Variants in SHISA9 observed in about 807,000 individuals in gnomAD.
SHISA9 encodes the protein shisa family member 9, also known as protein shisa-9.
A neutral mutation model predicts 38.0 loss-of-function variants in SHISA9; 13 were observed. The observed-to-expected ratio is 0.34, with a 90% CI of 0.22 to 0.54. The LOEUF is 0.54. SHISA9 is among the 20% of genes least tolerant of loss of function. The pLI is 0.91. For missense variants in SHISA9, 538 were observed against 575.8 expected (o/e 0.93, Z 0.67); for synonymous variants, 275 against 242.0 (o/e 1.14, Z -1.27).
At chr16:13,042,535 G>C (rs7192318) in intron 2 of SHISA9, among the ~76,000 whole-genome samples, 114,610 of 152,124 alleles carry the variant, frequency 0.75, 43,388 homozygotes, top group Middle Eastern at 0.84. Flanking sequence ...GCCAAGAACA[G>C]TTGGTTTCCT....
At chr16:13,234,395 G>T (rs550115172) in intron 4 of SHISA9, among the ~76,000 whole-genome samples, 1 of 152,264 alleles carries the variant, frequency 6.6e-6, no homozygotes, top group Non-Finnish European at 1.5e-5. Flanking sequence ...CTTTTTTATT[G>T]TAATGGCTTT....
At chr16:13,269,389 T>C in the SHISA9 span, among the ~76,000 whole-genome samples, 1 of 152,200 alleles carries the variant, frequency 6.6e-6, no homozygotes, top group African/African-American at 2.4e-5. Context: ...CATACAGGAA[T>C]AAATCCTCCT....
intron 2 of SHISA9, among the ~76,000 whole-genome samples, chr16:13,057,039 T>C (rs1320968924): frequency 6.6e-6 from 1 of 152,126 alleles, no homozygotes; most frequent in Non-Finnish European, 1.5e-5. Context: ...GAAAGCATAT[T>C]GCAAAAGGAA....
intron 2 of SHISA9, among the ~76,000 whole-genome samples, chr16:12,927,114 A>G (rs2071401803): frequency 6.6e-6 from 1 of 152,230 alleles, no homozygotes; most frequent in African/African-American, 2.4e-5. Flanking sequence ...CCAATATAAA[A>G]TTAAGTAACA....
the SHISA9 span, among the ~76,000 whole-genome samples, chr16:13,318,501 G>A: frequency 2.9e-3 from 437 of 152,124 alleles, 2 homozygotes; most frequent in African/African-American, 0.01. Context: ...TAATTTTGTG[G>A]TTTTAGTAGA....
the SHISA9 span, among the ~76,000 whole-genome samples, chr16:13,500,306 A>G: frequency 1.3e-5 from 2 of 152,128 alleles, no homozygotes; most frequent in South Asian, 2.1e-4. Context: ...AAGCCTTCCC[A>G]GGCATATGGA....
intron 2 of SHISA9, among the ~76,000 whole-genome samples, chr16:13,115,854 A>G (rs530978978): frequency 2.6e-5 from 4 of 152,336 alleles, no homozygotes; most frequent in African/African-American, 7.2e-5. Flanking sequence ...AACACTGACT[A>G]TCTTATGAAC....
At chr16:12,935,077 C>T (rs1367088518) in intron 2 of SHISA9, among the ~76,000 whole-genome samples, 1 of 152,068 alleles carries the variant, frequency 6.6e-6, no homozygotes, top group African/African-American at 2.4e-5. Flanking sequence ...TCTGATTGGT[C>T]CATATTGAGT....
chr16:13,103,946 C>A (rs1393447999), intron 2 of SHISA9, among the ~76,000 whole-genome samples: 1 of 152,144 alleles, frequency 6.6e-6, no homozygotes, highest in Non-Finnish European at 1.5e-5. Flanking sequence ...ACTCTCCAAG[C>A]TCCAAAGCCA....
chr16:13,266,954 G>A, the SHISA9 span, among the ~76,000 whole-genome samples: 2 of 152,172 alleles, frequency 1.3e-5, no homozygotes, highest in Admixed American at 1.3e-4. Context: ...ATGCCTTCTA[G>A]ATAAAGCCAA....
At chr16:13,223,790 G>T (rs147643746) in intron 4 of SHISA9, among the ~76,000 whole-genome samples, 7 of 152,348 alleles carry the variant, frequency 4.6e-5, no homozygotes, top group Non-Finnish European at 1.0e-4. Context: ...GCAGGCAAGA[G>T]AGGGCATGTG....
chr16:13,230,084 C>T (rs932341696), intron 4 of SHISA9, among the ~76,000 whole-genome samples: 1 of 151,952 alleles, frequency 6.6e-6, no homozygotes, highest in African/African-American at 2.4e-5. Flanking sequence ...AAACTAGGCC[C>T]TCAACAAACA....
the SHISA9 span, among the ~76,000 whole-genome samples, chr16:13,450,299 A>G: frequency 6.6e-6 from 1 of 152,208 alleles, no homozygotes; most frequent in Admixed American, 6.5e-5. Flanking sequence ...GGAATTACAT[A>G]TATAAAGTAC....
intron 2 of SHISA9, among the ~76,000 whole-genome samples, chr16:13,044,156 C>T (rs1596608184): frequency 6.6e-6 from 1 of 152,214 alleles, no homozygotes; most frequent in Non-Finnish European, 1.5e-5. Flanking sequence ...GGAAGGGGTC[C>T]TAAAGGAGGT....
the SHISA9 span, among the ~76,000 whole-genome samples, chr16:13,261,724 T>G: frequency 6.6e-6 from 1 of 152,226 alleles, no homozygotes; most frequent in East Asian, 1.9e-4. Flanking sequence ...AAATGCCATG[T>G]GCTGAGGGTA....
At chr16:13,373,043 A>G in the SHISA9 span, among the ~76,000 whole-genome samples, 1,121 of 152,172 alleles carry the variant, frequency 7.4e-3, 15 homozygotes, top group African/African-American at 0.026. Context: ...AGGCCATAGC[A>G]CCCTCACTGA....
At chr16:13,101,443 T>C (rs1167473354) in intron 2 of SHISA9, among the ~76,000 whole-genome samples, 2 of 152,210 alleles carry the variant, frequency 1.3e-5, no homozygotes, top group Non-Finnish European at 2.9e-5. Context: ...CAGAAATATA[T>C]ACTGGAAACA....
intron 1 of SHISA9, 65 bp from the exon 2 acceptor site, chr16:12,916,623 C>T (rs1047249415): frequency 3.3e-6 from 5 of 1,510,948 alleles, no homozygotes; most frequent in Admixed American, 4.3e-5. Flanking sequence ...CTGCAGTACT[C>T]GGCGCATAGC....
chr16:13,463,387 C>T, the SHISA9 span, among the ~76,000 whole-genome samples: 3 of 152,132 alleles, frequency 2.0e-5, no homozygotes, highest in African/African-American at 7.2e-5. Flanking sequence ...AGAAAGAGTT[C>T]TTGAAAGTTG....
Sources: gnomAD v4.1 joint callset for allele counts (sites outside exome capture counted in the v4.1 genomes callset) on GRCh38, gnomAD v4.1.1 for gene constraint, MANE v1.5 for transcripts, NCBI Gene and HGNC (gene_info 2026-07-23, HGNC 2026-07-21) for gene names.